Variants in SATB2 observed in about 807,000 individuals in gnomAD.
The protein encoded by SATB2 is SATB homeobox 2, also known as DNA-binding protein SATB2.
SATB2 carries 1 observed loss-of-function variant against 73.4 expected under a neutral mutation model. The observed-to-expected ratio is 0.01, with a 90% confidence interval of 0.00 to 0.06. SATB2 has a LOEUF of 0.06. Ranked by LOEUF, SATB2 falls within the 10% of genes least tolerant of loss-of-function variation. The pLI is 1.00. For synonymous variants in SATB2, 397 were observed against 367.0 expected, an observed-to-expected ratio of 1.08 and a Z score of -0.93; for missense variants, 459 against 945.8, an observed-to-expected ratio of 0.49 and a Z score of 6.75.
intron 2 of SATB2, among the ~76,000 whole-genome samples, chr2:199,453,896 C>A (rs1180144861): frequency 6.6e-6 from 1 of 151,884 alleles, no homozygotes; most frequent in East Asian, 1.9e-4. Flanking sequence ...TGTATTGAGA[C>A]AAAATAATGT....
chr2:199,386,716 G>GCACACACA (rs61568459), intron 3 of SATB2, among the ~76,000 whole-genome samples: 2 of 9,272 alleles, frequency 2.2e-4, no homozygotes, highest in Middle Eastern at 0.1. Flanking sequence ...GCGCGCGCGC[G>GCACACACA]CACACACACA....
At chr2:199,301,114 A>G (rs1687276831) in intron 10 of SATB2, among the ~76,000 whole-genome samples, 1 of 152,158 alleles carries the variant, frequency 6.6e-6, no homozygotes. Context: ...AATATTTATC[A>G]GCTTCTACAG....
intron 2 of SATB2, among the ~76,000 whole-genome samples, chr2:199,451,839 G>C (rs949494458): frequency 7.8e-6 from 1 of 128,112 alleles, no homozygotes; most frequent in South Asian, 3.0e-4. Flanking sequence ...GAATACATCA[G>C]TGTGTACTGC....
At chr2:199,338,702 A>T (rs1688411995) in intron 7 of SATB2, among the ~76,000 whole-genome samples, 1 of 152,074 alleles carries the variant, frequency 6.6e-6, no homozygotes, top group South Asian at 2.1e-4. Flanking sequence ...TGACTGCCTG[A>T]GCTCAGGAAT....
chr2:199,296,946 G>A (rs539662052), intron 10 of SATB2, among the ~76,000 whole-genome samples: 2 of 152,200 alleles, frequency 1.3e-5, no homozygotes, highest in African/African-American at 2.4e-5. Context: ...CAGTGTGGGG[G>A]CAATAATCAT....
At chr2:199,411,723 C>T (rs546061139) in intron 3 of SATB2, among the ~76,000 whole-genome samples, 2 of 152,148 alleles carry the variant, frequency 1.3e-5, no homozygotes, top group Non-Finnish European at 2.9e-5. Context: ...TAGGTGTGGA[C>T]AGGACTAGTT....
intron 3 of SATB2, among the ~76,000 whole-genome samples, chr2:199,382,764 A>G (rs1689817916): frequency 6.6e-6 from 1 of 152,232 alleles, no homozygotes; most frequent in Admixed American, 6.5e-5. Flanking sequence ...GTAGGCGATG[A>G]AAAATCCCAT....
At chr2:199,349,902 A>C (rs1365200044) in intron 6 of SATB2, among the ~76,000 whole-genome samples, 1 of 152,176 alleles carries the variant, frequency 6.6e-6, no homozygotes, top group Non-Finnish European at 1.5e-5. Flanking sequence ...TTTGAAAGGG[A>C]AAAGTAAGTA....
At chr2:199,314,653 T>C (rs1326823532) in intron 9 of SATB2, among the ~76,000 whole-genome samples, 2 of 152,088 alleles carry the variant, frequency 1.3e-5, no homozygotes, top group Non-Finnish European at 2.9e-5. Flanking sequence ...CATGAAGCAG[T>C]TCAGGAAAAG....
chr2:199,424,034 ATAG>A (rs1388029021), intron 3 of SATB2: 5 of 152,346 alleles, frequency 3.3e-5, no homozygotes, highest in Admixed American at 6.5e-5. Context: ...AGCTTGTAAA[ATAG>A]TAGCACAGAT....
chr2:199,389,874 C>T (rs1559024231), intron 3 of SATB2, among the ~76,000 whole-genome samples: 1 of 151,928 alleles, frequency 6.6e-6, no homozygotes, highest in Non-Finnish European at 1.5e-5. Context: ...TACCCCCTTA[C>T]ACTACAGAAA....
intron 9 of SATB2, among the ~76,000 whole-genome samples, chr2:199,316,727 TGCATA>T (rs1327328015): frequency 2.0e-5 from 3 of 152,068 alleles, no homozygotes; most frequent in African/African-American, 7.3e-5. Context: ...ACACGGAATA[TGCATA>T]GCTATTTAAC....
In SATB2 at chr2:199,423,081, G is replaced by A. The variant is rs78081194; in HGVS notation, c.346+10257C>T. 3.3e-3 allele frequency among the ~76,000 whole-genome samples: 506 copies of A among 152,174 alleles called. 2 individuals carry two copies. Among genetic ancestry groups the A allele is most frequent in the African/African-American group, 0.011 (475 of 41,514 alleles). The stretch of plus-strand genomic sequence containing the variant: ...AAACCTGTCATTTTGTTCTGGTTAA[G>A]CAGCTTCTTTCCAGAAGTCTATATT... On this transcript the variant is annotated intron_variant, in intron 3 of 10. Transcript: ENST00000417098.
At chr2:199,466,429 T>C (rs1692594287), upstream of SATB2, among the ~76,000 whole-genome samples, 1 of 152,154 alleles carries the variant, frequency 6.6e-6, no homozygotes, top group Non-Finnish European at 1.5e-5. Context: ...GTTGTTGCTA[T>C]CTCTGAGCTC....
intron 3 of SATB2, among the ~76,000 whole-genome samples, chr2:199,420,841 T>G (rs1256296179): frequency 6.6e-6 from 1 of 152,216 alleles, no homozygotes; most frequent in East Asian, 1.9e-4. Flanking sequence ...ACTTATTGTA[T>G]ACTTATTTAA....
intron 3 of SATB2, among the ~76,000 whole-genome samples, chr2:199,407,807 T>G (rs1228507655): frequency 4.6e-5 from 7 of 152,146 alleles, no homozygotes; most frequent in Admixed American, 3.3e-4. Flanking sequence ...GGCCTAGAGA[T>G]TCACATCCCA....
chr2:199,375,024 C>T (rs185116389), intron 5 of SATB2, among the ~76,000 whole-genome samples: 3 of 151,874 alleles, frequency 2.0e-5, no homozygotes, highest in African/African-American at 4.8e-5. Flanking sequence ...CTTTAGTCAT[C>T]CCATTTGAAC....
At chr2:199,423,840 A>C (rs1235685417) in intron 3 of SATB2, 1 of 152,160 alleles carries the variant, frequency 6.6e-6, no homozygotes, top group Non-Finnish European at 1.5e-5. Flanking sequence ...CAGCCAAATC[A>C]TTGAAGGCCA....
chr2:199,297,985 T>C (rs2105752602), intron 10 of SATB2, among the ~76,000 whole-genome samples: 1 of 152,298 alleles, frequency 6.6e-6, no homozygotes, highest in South Asian at 2.1e-4. Context: ...GCTGAGTCTC[T>C]AAATCTGTCT....
Sources: gnomAD v4.1 joint callset for allele counts (sites outside exome capture counted in the v4.1 genomes callset) on GRCh38, gnomAD v4.1.1 for gene constraint, MANE v1.5 for transcripts, NCBI Gene and HGNC (gene_info 2026-07-23, HGNC 2026-07-21) for gene names.